PCSK5: variants seen among roughly 807,000 people sequenced by gnomAD.
The protein encoded by PCSK5 is proprotein convertase subtilisin/kexin type 5, also known as prohormone convertase 5.
PCSK5 carries 129 observed loss-of-function variants against 233.2 expected under a neutral mutation model. The ratio of observed to expected loss-of-function variants is 0.55; its 90% CI spans 0.48 to 0.64. The LOEUF is 0.64. Among genes scored for constraint, PCSK5 ranks in the 30% least tolerant of loss-of-function variants. The pLI, the probability that PCSK5 is intolerant of heterozygous loss-of-function variation, is 0.00. For synonymous variants in PCSK5, 825 were observed against 879.2 expected (o/e 0.94, Z 1.09); for missense variants, 2,076 against 2,430.1 (o/e 0.85, Z 3.06).
chr9:75,954,648 G>A (rs375608194), intron 2 of PCSK5, among the ~76,000 whole-genome samples: 11 of 152,264 alleles, frequency 7.2e-5, no homozygotes, highest in African/African-American at 2.4e-4. Flanking sequence ...TGGGAATTTG[G>A]CTACATGGAT....
intron 32 of PCSK5, among the ~76,000 whole-genome samples, chr9:76,327,100 C>CT (rs1829385123): frequency 7.7e-6 from 1 of 130,306 alleles, no homozygotes; most frequent in African/African-American, 2.8e-5. Flanking sequence ...AGGCCCATCT[C>CT]TATTTTTTTT....
chr9:76,007,796 T>TTGTGTGTGTGTG (rs59860078), intron 3 of PCSK5, among the ~76,000 whole-genome samples: 1,847 of 128,256 alleles, frequency 0.014, 32 homozygotes, highest in African/African-American at 0.016. Flanking sequence ...CCGGCTAATT[T>TTGTGTGTGTGTG]TGTGTGTGTG....
chr9:75,998,926 T>C (rs1253715674), intron 3 of PCSK5, among the ~76,000 whole-genome samples: 1 of 152,182 alleles, frequency 6.6e-6, no homozygotes, highest in East Asian at 1.9e-4. Context: ...AAAAATTAAT[T>C]TGTTTATATT....
At chr9:75,907,192 C>CT (rs886839648) in intron 1 of PCSK5, among the ~76,000 whole-genome samples, 35 of 147,688 alleles carry the variant, frequency 2.4e-4, no homozygotes, top group South Asian at 4.3e-4. Context: ...TAAGTTTGTC[C>CT]TTTTTTTTTT....
chr9:76,133,430 T>C (rs1822841629), intron 9 of PCSK5, among the ~76,000 whole-genome samples: 1 of 151,970 alleles, frequency 6.6e-6, no homozygotes, highest in Middle Eastern at 3.2e-3. Flanking sequence ...AGTAGTCTCT[T>C]TTGTGTTCTT....
At chr9:75,955,092 G>C (rs919914112) in intron 2 of PCSK5, among the ~76,000 whole-genome samples, 1 of 152,142 alleles carries the variant, frequency 6.6e-6, no homozygotes, top group Non-Finnish European at 1.5e-5. Context: ...CAAGCACCTA[G>C]TATGTGCTGG....
chr9:76,028,544 G>C (rs972393146), intron 5 of PCSK5, among the ~76,000 whole-genome samples: 1 of 152,112 alleles, frequency 6.6e-6, no homozygotes, highest in African/African-American at 2.4e-5. Context: ...GGCAGAAATG[G>C]TTGAGCCAGA....
chr9:76,342,735 A>G (rs193214199), intron 35 of PCSK5, among the ~76,000 whole-genome samples: 4 of 152,062 alleles, frequency 2.6e-5, no homozygotes, highest in Middle Eastern at 3.4e-3. Context: ...CTCTGATTGG[A>G]TGCTCAACAG....
chr9:76,072,354 G>A (rs1403082764), intron 7 of PCSK5, among the ~76,000 whole-genome samples: 3 of 152,016 alleles, frequency 2.0e-5, no homozygotes, highest in Admixed American at 6.6e-5. Context: ...GCTCCTGATC[G>A]CTACAACCAA....
At chr9:76,348,120 A>G (rs1409586386) in intron 35 of PCSK5, among the ~76,000 whole-genome samples, 1 of 151,524 alleles carries the variant, frequency 6.6e-6, no homozygotes, top group Non-Finnish European at 1.5e-5. Flanking sequence ...AAAAATAAAC[A>G]AAATTTGGTC....
At chr9:76,032,912 C>T (rs1828708831) in intron 5 of PCSK5, among the ~76,000 whole-genome samples, 1 of 152,102 alleles carries the variant, frequency 6.6e-6, no homozygotes, top group South Asian at 2.1e-4. Flanking sequence ...GTATGTGGGC[C>T]CAGAGTCTAA....
chr9:76,126,361 C>T (rs917025478), intron 9 of PCSK5, among the ~76,000 whole-genome samples: 18 of 152,188 alleles, frequency 1.2e-4, no homozygotes, highest in Non-Finnish European at 2.2e-4. Context: ...CGCCTACAAT[C>T]CCAGCACTTT....
intron 9 of PCSK5, among the ~76,000 whole-genome samples, chr9:76,121,827 T>TATTAG (rs1465102595): frequency 4.6e-5 from 1 of 21,650 alleles, no homozygotes; most frequent in African/African-American, 2.3e-4. Context: ...TTTTTTTTTT[T>TATTAG]TTTTTTTTTT....
At chr9:76,012,997 T>C (rs1404548589) in intron 3 of PCSK5, among the ~76,000 whole-genome samples, 7 of 152,172 alleles carry the variant, frequency 4.6e-5, no homozygotes, top group African/African-American at 1.7e-4. Flanking sequence ...AGTAATCTCG[T>C]AGATCTAGAG....
chr9:76,124,586 A>C (rs1401501201), intron 9 of PCSK5, among the ~76,000 whole-genome samples: 1 of 151,710 alleles, frequency 6.6e-6, no homozygotes, highest in Non-Finnish European at 1.5e-5. Context: ...CTCTACTAAA[A>C]TACAAAAAAT....
intron 24 of PCSK5, among the ~76,000 whole-genome samples, chr9:76,247,451 A>G (rs544210103): frequency 1.3e-5 from 2 of 152,154 alleles, no homozygotes; most frequent in Admixed American, 6.5e-5. Flanking sequence ...ATGATTGGCT[A>G]TTTCTTTAAC....
chr9:76,047,500 G>A (rs1829464808), intron 5 of PCSK5, among the ~76,000 whole-genome samples: 1 of 152,142 alleles, frequency 6.6e-6, no homozygotes, highest in Non-Finnish European at 1.5e-5. Context: ...TTGAGAAAGA[G>A]TCATTTAGGA....
At chr9:76,058,779 TA>T (rs1829919096) in intron 5 of PCSK5, among the ~76,000 whole-genome samples, 1 of 152,196 alleles carries the variant, frequency 6.6e-6, no homozygotes, top group Non-Finnish European at 1.5e-5. Context: ...GTTTAAAGAA[TA>T]TTTTTAAAGT....
At chr9:76,252,778 T>TTAC (rs1826853783) in intron 24 of PCSK5, among the ~76,000 whole-genome samples, 1 of 152,230 alleles carries the variant, frequency 6.6e-6, no homozygotes, top group South Asian at 2.1e-4. Context: ...TCATTTACTC[T>TTAC]TACTACTCCA....
Sources: allele counts gnomAD v4.1 joint callset (sites outside exome capture counted in the v4.1 genomes callset), GRCh38; gene constraint gnomAD v4.1.1; transcripts MANE v1.5; gene names NCBI Gene and HGNC (gene_info 2026-07-23, HGNC 2026-07-21).